The following NCOA2 variants were observed in gnomAD, a reference collection of about 807,000 sequenced individuals.
NCOA2 encodes the protein class E basic helix-loop-helix protein 75.
A neutral mutation model predicts 145.1 loss-of-function variants in NCOA2; 21 were observed. The observed-to-expected ratio is 0.14, with a 90% CI of 0.10 to 0.21. The LOEUF is 0.21. Among genes scored for constraint, NCOA2 ranks in the 10% least tolerant of loss-of-function variants. NCOA2 has a pLI of 1.00. For synonymous variants in NCOA2, 619 were observed against 637.5 expected, an observed-to-expected ratio of 0.97 and a Z score of 0.44; for missense variants, 1,472 against 1,837.6, an observed-to-expected ratio of 0.80 and a Z score of 3.64.
At chr8:70,116,812 A>T in intron 22 of NCOA2, among the ~76,000 whole-genome samples, 1 of 152,242 alleles carries the variant, frequency 6.6e-6, no homozygotes, top group East Asian at 1.9e-4. Context: ...GGCAGATTCA[A>T]GAGGGGGACT....
chr8:70,396,645 C>T (rs1434167495), intron 1 of NCOA2, among the ~76,000 whole-genome samples: 1 of 152,146 alleles, frequency 6.6e-6, no homozygotes, highest in Non-Finnish European at 1.5e-5. Flanking sequence ...TAGTTAAAAA[C>T]TGAGCTGATG....
At chr8:70,428,977 G>T in the NCOA2 span, among the ~76,000 whole-genome samples, 1 of 152,118 alleles carries the variant, frequency 6.6e-6, no homozygotes, top group Non-Finnish European at 1.5e-5. Flanking sequence ...GAAGAAGGAA[G>T]ATATATTGTG....
chr8:70,205,677 G>T (rs140647631), intron 4 of NCOA2, among the ~76,000 whole-genome samples: 242 of 152,260 alleles, frequency 1.6e-3, no homozygotes, highest in African/African-American at 5.4e-3. Flanking sequence ...CTGAGCCAGT[G>T]TATGTCATGG....
chr8:70,322,577 C>T (rs1806177968), intron 1 of NCOA2, among the ~76,000 whole-genome samples: 1 of 152,166 alleles, frequency 6.6e-6, no homozygotes, highest in African/African-American at 2.4e-5. Context: ...TAAAATTCAC[C>T]TAAGTTTTAG....
chr8:70,236,043 T>A (rs1457453364), intron 2 of NCOA2, among the ~76,000 whole-genome samples: 1 of 151,954 alleles, frequency 6.6e-6, no homozygotes, highest in Non-Finnish European at 1.5e-5. Context: ...ATTAAACACA[T>A]CCATTTTTAT....
chr8:70,428,270 T>A, the NCOA2 span, among the ~76,000 whole-genome samples: 4 of 149,620 alleles, frequency 2.7e-5, no homozygotes, highest in African/African-American at 7.4e-5. Flanking sequence ...CCAGGAAACA[T>A]AGGGAGAACC....
At chr8:70,212,419 C>T (rs1328033964) in intron 4 of NCOA2, among the ~76,000 whole-genome samples, 3 of 152,032 alleles carry the variant, frequency 2.0e-5, no homozygotes, top group Admixed American at 1.3e-4. Flanking sequence ...CTGAAATGGG[C>T]ACTGGGAGAA....
Position 70,334,443 on chromosome 8 carries a change from G to A in NCOA2, c.-76-37643C>T, listed in dbSNP as rs116639510. ...CATCCTTCCTCTCTTTCAAAGTTCCGCTCCTACTTCTTTAGGACCTTCCCT... is the reference window on the plus strand; with the variant it reads ...CATCCTTCCTCTCTTTCAAAGTTCCACTCCTACTTCTTTAGGACCTTCCCT... On this transcript the variant is annotated intron_variant, in intron 1 of 22. Coordinates refer to ENST00000452400, the MANE Select transcript of NCOA2 (RefSeq NM_006540.4). 5.9e-3 allele frequency among the ~76,000 whole-genome samples: 903 copies of A among 152,084 alleles called. 6 individuals carry two copies. Among genetic ancestry groups the A allele is most frequent in the African/African-American group, 0.02 (841 of 41,462 alleles).
chr8:70,366,873 T>C (rs1810741543), intron 1 of NCOA2, among the ~76,000 whole-genome samples: 1 of 152,144 alleles, frequency 6.6e-6, no homozygotes, highest in Admixed American at 6.6e-5. Context: ...TTTGGCAGCA[T>C]ATCATCCAAA....
At chr8:70,278,998 T>C (rs886600879) in intron 2 of NCOA2, among the ~76,000 whole-genome samples, 6 of 151,836 alleles carry the variant, frequency 4.0e-5, no homozygotes, top group Non-Finnish European at 5.9e-5. Flanking sequence ...AATCATTTCA[T>C]TTCCCTGTAT....
intron 4 of NCOA2, among the ~76,000 whole-genome samples, chr8:70,207,026 C>G (rs1465603697): frequency 6.6e-6 from 1 of 152,120 alleles, no homozygotes; most frequent in Non-Finnish European, 1.5e-5. Flanking sequence ...CTGATTTTCC[C>G]CCAAATGAGT....
chr8:70,314,576 G>C (rs1207917827), intron 1 of NCOA2, among the ~76,000 whole-genome samples: 1 of 152,076 alleles, frequency 6.6e-6, no homozygotes, highest in East Asian at 1.9e-4. Context: ...CAAAATCCCT[G>C]AAACATTGAA....
chr8:70,161,052 T>C, intron 9 of NCOA2, among the ~76,000 whole-genome samples: 1 of 152,394 alleles, frequency 6.6e-6, no homozygotes, highest in Non-Finnish European at 1.5e-5. Flanking sequence ...AGTAGGTATC[T>C]GTGAGCACGC....
chr8:70,351,746 G>C (rs368202885), intron 1 of NCOA2, among the ~76,000 whole-genome samples: 3 of 147,442 alleles, frequency 2.0e-5, no homozygotes, highest in Non-Finnish European at 4.5e-5. Context: ...CCACCACCCC[G>C]GCTAATTTTT....
intron 1 of NCOA2, among the ~76,000 whole-genome samples, chr8:70,358,424 C>T (rs1426771209): frequency 6.6e-6 from 1 of 152,176 alleles, no homozygotes; most frequent in Non-Finnish European, 1.5e-5. Context: ...ATATAAAAAT[C>T]AGCGGAATTT....
intron 15 of NCOA2, among the ~76,000 whole-genome samples, chr8:70,135,237 AC>A (rs1221719359): frequency 1.3e-5 from 2 of 152,106 alleles, no homozygotes; most frequent in Non-Finnish European, 2.9e-5. Context: ...TTGGGGTGCC[AC>A]CCATCTCCTC....
chr8:70,160,478 A>G (rs1195993505), intron 9 of NCOA2, among the ~76,000 whole-genome samples: 2 of 152,198 alleles, frequency 1.3e-5, no homozygotes, highest in Non-Finnish European at 2.9e-5. Context: ...TCACCTATTA[A>G]AAAAGAACAT....
chr8:70,238,002 C>A (rs1439626180), intron 2 of NCOA2, among the ~76,000 whole-genome samples: 1 of 151,994 alleles, frequency 6.6e-6, no homozygotes, highest in Non-Finnish European at 1.5e-5. Flanking sequence ...TGACTTGATA[C>A]TAAAAATAAC....
chr8:70,217,040 G>A, intron 2 of NCOA2, among the ~76,000 whole-genome samples: 1 of 152,190 alleles, frequency 6.6e-6, no homozygotes, highest in Non-Finnish European at 1.5e-5. Flanking sequence ...TATTTCAACA[G>A]CACCATGAAC....
Sources: gnomAD v4.1 joint callset for allele counts (sites outside exome capture counted in the v4.1 genomes callset) on GRCh38, gnomAD v4.1.1 for gene constraint, MANE v1.5 for transcripts, NCBI Gene and HGNC (gene_info 2026-07-23, HGNC 2026-07-21) for gene names.